Variants in TRDN observed in about 807,000 individuals in gnomAD.
The protein encoded by TRDN is triadin in skeletal muscle.
A neutral mutation model predicts 149.7 loss-of-function variants in TRDN; 161 were observed. That is an observed-to-expected ratio of 1.08 (90% CI 0.95 to 1.23). TRDN has a LOEUF of 1.23. Among genes scored for constraint, TRDN ranks in the 50% most tolerant of loss-of-function variants. TRDN has a pLI of 0.00. For missense variants in TRDN, 896 were observed against 823.5 expected, an observed-to-expected ratio of 1.09 and a Z score of -1.08; for synonymous variants, 294 against 250.5, an observed-to-expected ratio of 1.17 and a Z score of -1.64.
intron 2 of TRDN, among the ~76,000 whole-genome samples, chr6:123,570,121 A>G (rs1224447357): frequency 2.0e-5 from 3 of 152,168 alleles, no homozygotes; most frequent in Non-Finnish European, 4.4e-5. Context: ...TCTGGGTCCT[A>G]CTGATTCTAC....
intron 1 of TRDN, among the ~76,000 whole-genome samples, chr6:123,585,327 T>C (rs1037532007): frequency 2.6e-5 from 4 of 151,886 alleles, no homozygotes; most frequent in African/African-American, 9.7e-5. Flanking sequence ...ATTGTCTAAT[T>C]TGGCACCAGA....
At chr6:123,336,512 T>A (rs138721434) in intron 22 of TRDN, among the ~76,000 whole-genome samples, 49 of 152,112 alleles carry the variant, frequency 3.2e-4, no homozygotes, top group African/African-American at 1.1e-3. Flanking sequence ...AGGAAAAAAC[T>A]TCCTGGTCAC....
intron 29 of TRDN, among the ~76,000 whole-genome samples, chr6:123,272,535 A>G (rs925467599): frequency 6.6e-6 from 1 of 151,952 alleles, no homozygotes; most frequent in Admixed American, 6.6e-5. Flanking sequence ...TGAAGAAAAT[A>G]AAGAGTCAGG....
At chr6:123,464,265 A>G in intron 10 of TRDN, 1 of 985,010 alleles carries the variant, frequency 1.0e-6, no homozygotes, top group Non-Finnish European at 1.2e-6. Flanking sequence ...CGTTCCAGCA[A>G]AATTTATTAC....
At chr6:123,219,497 A>G (rs1294769474) in intron 40 of TRDN, among the ~76,000 whole-genome samples, 1 of 151,848 alleles carries the variant, frequency 6.6e-6, no homozygotes, top group Non-Finnish European at 1.5e-5. Flanking sequence ...AAGGCCAGGA[A>G]AGAAAAATCA....
chr6:123,339,509 C>A (rs1214232703), intron 21 of TRDN, among the ~76,000 whole-genome samples: 1 of 152,110 alleles, frequency 6.6e-6, no homozygotes, highest in South Asian at 2.1e-4. Flanking sequence ...AAACATCCAG[C>A]AAGCAGTTGG....
chr6:123,492,849 T>C lies in TRDN; in HGVS notation c.853+4344A>G, dbSNP rs189914798. On this transcript the variant is annotated intron_variant, in intron 9 of 40. Coordinates refer to ENST00000334268, the MANE Select transcript of TRDN (RefSeq NM_006073.4). ...TATGAGTAAGTGACAAGTAGACTAC[T>C]TTAAGCCCTAGGAAAAAAAGTGGAG... 3.3e-3 allele frequency among the ~76,000 whole-genome samples: 500 copies of C among 152,290 alleles called. 3 individuals are homozygous for C. Among genetic ancestry groups the C allele is most frequent in the African/African-American group, 0.011 (473 of 41,570 alleles).
intron 19 of TRDN, among the ~76,000 whole-genome samples, chr6:123,367,203 AAAT>A (rs201505974): frequency 7.3e-4 from 111 of 151,840 alleles, no homozygotes; most frequent in African/African-American, 1.6e-3. Flanking sequence ...CAGGAAAATA[AAAT>A]AATAATAATA....
chr6:123,424,863 A>C (rs2114553071), intron 12 of TRDN, among the ~76,000 whole-genome samples: 1 of 152,262 alleles, frequency 6.6e-6, no homozygotes, highest in African/African-American at 2.4e-5. Flanking sequence ...GCATCCATCA[A>C]CCTGGGTGCC....
At chr6:123,479,740 T>C (rs1777660864) in intron 9 of TRDN, among the ~76,000 whole-genome samples, 2 of 152,154 alleles carry the variant, frequency 1.3e-5, no homozygotes, top group Admixed American at 6.6e-5. Flanking sequence ...AAACATAAGA[T>C]ACAATTTTAG....
intron 5 of TRDN, among the ~76,000 whole-genome samples, chr6:123,522,517 C>CTTTTTTTTT (rs375665403): frequency 8.0e-5 from 7 of 87,208 alleles, no homozygotes; most frequent in African/African-American, 1.5e-4. Context: ...TGCGGTTCCT[C>CTTTTTTTTT]TTTTTTTTTT....
intron 12 of TRDN, chr6:123,429,073 A>G (rs1774234913): frequency 6.6e-6 from 1 of 152,130 alleles, no homozygotes; most frequent in South Asian, 2.1e-4. Flanking sequence ...TTAGCAAAAA[A>G]GAAAAAGAGG....
At chr6:123,393,805 G>A in intron 12 of TRDN, 128 bp from the exon 13 acceptor site, 1 of 829,002 alleles carries the variant, frequency 1.2e-6, no homozygotes, top group African/African-American at 1.7e-5. Flanking sequence ...AAGAATTTTT[G>A]TTAAGACATA....
At chr6:123,230,027 T>A (rs576291559) in intron 38 of TRDN, among the ~76,000 whole-genome samples, 1 of 152,052 alleles carries the variant, frequency 6.6e-6, no homozygotes, top group South Asian at 2.1e-4. Context: ...TTTTTATGAA[T>A]TATATCTATC....
At chr6:123,354,436 C>G (rs1780581312) in intron 20 of TRDN, among the ~76,000 whole-genome samples, 1 of 151,830 alleles carries the variant, frequency 6.6e-6, no homozygotes, top group South Asian at 2.1e-4. Flanking sequence ...ACACAATCAT[C>G]TCACTTTCAC....
chr6:123,305,060 C>T (rs1467155232), intron 24 of TRDN, among the ~76,000 whole-genome samples: 1 of 152,136 alleles, frequency 6.6e-6, no homozygotes, highest in South Asian at 2.1e-4. Context: ...AAAATCTGCT[C>T]TCTCTTTACA....
At chr6:123,353,080 G>A (rs1780528518) in intron 20 of TRDN, among the ~76,000 whole-genome samples, 1 of 151,834 alleles carries the variant, frequency 6.6e-6, no homozygotes, top group Non-Finnish European at 1.5e-5. Context: ...TTTGGGTGCT[G>A]TACCCCTTTC....
chr6:123,590,684 C>A (rs1375959854), intron 1 of TRDN, among the ~76,000 whole-genome samples: 1 of 152,164 alleles, frequency 6.6e-6, no homozygotes, highest in Non-Finnish European at 1.5e-5. Flanking sequence ...ATTGCTTGAA[C>A]TCTGGAAGCA....
intron 10 of TRDN, among the ~76,000 whole-genome samples, chr6:123,442,627 G>C (rs996406746): frequency 2.6e-5 from 4 of 151,488 alleles, no homozygotes; most frequent in African/African-American, 9.7e-5. Flanking sequence ...AAAATGCCTG[G>C]AACAGAGTAG....
Sources: gnomAD v4.1 joint callset for allele counts (sites outside exome capture counted in the v4.1 genomes callset) on GRCh38, gnomAD v4.1.1 for gene constraint, MANE v1.5 for transcripts, NCBI Gene and HGNC (gene_info 2026-07-23, HGNC 2026-07-21) for gene names.